PTRH1: variants seen among roughly 807,000 people sequenced by gnomAD.
The protein encoded by PTRH1 is peptidyl-tRNA hydrolase.
PTRH1 carries 13 observed loss-of-function variants against 15.7 expected under a neutral mutation model. That is an observed-to-expected ratio of 0.83 (90% CI 0.54 to 1.31). PTRH1 has a LOEUF of 1.31. PTRH1 is among the 40% of genes most tolerant of loss of function. PTRH1 has a pLI of 0.00. For synonymous variants in PTRH1, 139 were observed against 136.7 expected (o/e 1.02, Z -0.12); for missense variants, 319 against 296.2 (o/e 1.08, Z -0.56).
Position 127,715,069 on chromosome 9 carries a change from G to C in PTRH1, c.222C>G (p.Ala74=). Residue 74 remains alanine (A), a synonymous_variant, in exon 2 of 5, where the codon GCC becomes GCG. Transcript: ENST00000543175. The surrounding 1 kb of genome is among the most constrained non-coding windows in gnomAD (Gnocchi z 5.8). ...CCCCCAGCGGGGCCAGGGCGAGGTC[G>C]GCGGCACAGTGCCGGTCGCGCGTCC... ...ESWTRDRHCA[A]DLALAPLGDA... 6.5e-7 allele frequency: 1 copy of C among 1,528,768 alleles called. No individual in the cohort carries two copies. The highest frequency in any genetic ancestry group is 1.2e-5 in the South Asian group (1 of 83,416). The allele number at this position is 1,528,768 out of a possible 1,614,324, so 94.7% of individuals were successfully genotyped here.
At chr9:127,710,515 G>A (rs1271661207), downstream of PTRH1, 20 of 1,484,536 alleles carry the variant, frequency 1.3e-5, no homozygotes, top group Non-Finnish European at 1.8e-5. Context: ...GAAGGGACAG[G>A]GACCTAAGGG....
Position 127,703,252 on chromosome 9 carries a change from A to C in PTRH1, c.206-8111T>G, listed in dbSNP as rs545156696. On this transcript the variant is annotated intron_variant, in intron 1 of 2. Transcript: ENST00000335223. The stretch of plus-strand genomic sequence containing the variant: ...GATCACCTGAGGTCAGGAGTTCGAG[A>C]CCAGCCAACATGGTGAAACCTCATC... Among the ~76,000 whole-genome samples the C allele has an allele frequency of 9.4e-3, 1,432 of 151,608 alleles. 15 individuals are homozygous for C. Among genetic ancestry groups the C allele is most frequent in the Non-Finnish European group, 0.012 (799 of 67,858 alleles).
chr9:127,700,597 G>C lies in PTRH1; in HGVS notation c.206-5456C>G, dbSNP rs528624897. Among the ~76,000 whole-genome samples, 14 of 152,276 alleles carry C rather than the reference G, an allele frequency of 9.2e-5. 1 individual carries two copies. The highest frequency in any genetic ancestry group is 3.4e-3 in the Middle Eastern group (1 of 294). On this transcript the variant is annotated intron_variant, in intron 1 of 2. Coordinates refer to the PTRH1 transcript ENST00000335223. ...ACCGACCAGCATTCATGTTAAAATA[G>C]AGAACATAAGACTGGCAGAGCAGAC... is the stretch of plus-strand genomic sequence containing the variant.
At chr9:127,695,315 AAAG>A (rs1485738610) in intron 1 of PTRH1, 1 of 584,394 alleles carries the variant, frequency 1.7e-6, no homozygotes, top group African/African-American at 1.9e-5. Context: ...CAATGAGTGA[AAAG>A]AGCACATTAT....
downstream of PTRH1, among the ~76,000 whole-genome samples, chr9:127,710,960 G>A (rs1038282524): frequency 3.9e-5 from 6 of 152,174 alleles, no homozygotes; most frequent in African/African-American, 1.4e-4. Context: ...CAGTCCTCAC[G>A]CTGGCATTGG....
chr9:127,702,373 CAAA>C (rs11347672), intron 1 of PTRH1, among the ~76,000 whole-genome samples: 10 of 79,094 alleles, frequency 1.3e-4, no homozygotes, highest in East Asian at 3.7e-4. Flanking sequence ...ATTCCGTCTC[CAAA>C]AAAAAAAAAA....
At chr9:127,708,866 G>A (rs1274633543), downstream of PTRH1, among the ~76,000 whole-genome samples, 1 of 152,234 alleles carries the variant, frequency 6.6e-6, no homozygotes, top group Non-Finnish European at 1.5e-5. Context: ...GAGATGCCAG[G>A]TACAAAGACT....
Position 127,707,205 on chromosome 9 carries a change from G to C in PTRH1, c.205+8230C>G, listed in dbSNP as rs532700470. ...ACCGGCTAGCCCGGTGCGTGGGCTG[G>C]CGGGCAGGAGTCTGGTGCCCTGGGT... On this transcript the variant is annotated intron_variant, in intron 1 of 2. Transcript: ENST00000335223. 128 of 1,606,956 alleles carry C rather than the reference G, an allele frequency of 8.0e-5. 1 individual carries two copies. In the South Asian group the frequency reaches 1.3e-3, roughly 16 times the overall value.
intron 3 of PTRH1, 50 bp downstream of exon 3, chr9:127,714,553 A>G (rs1564369543): frequency 2.5e-6 from 4 of 1,596,014 alleles, no homozygotes; most frequent in Non-Finnish European, 3.4e-6. Context: ...CTCCACCCCA[A>G]CTGGGAGGCC....
chr9:127,707,234 A>G, intron 1 of PTRH1: 2 of 1,595,556 alleles, frequency 1.3e-6, no homozygotes, highest in African/African-American at 1.3e-5. Context: ...CCTGGGTCAG[A>G]AGCCCATGCC....
chr9:127,713,139 C>A (rs1842807245), downstream of PTRH1: 1 of 1,610,014 alleles, frequency 6.2e-7, no homozygotes, highest in East Asian at 2.2e-5. Context: ...CCACCCAACC[C>A]CCAGGACCTC....
chr9:127,715,200 G>A lies in PTRH1; in HGVS notation c.97-6C>T. 6.6e-7 allele frequency: 1 copy of A among 1,525,808 alleles called. No individual in the cohort carries two copies. The highest frequency in any genetic ancestry group is 8.8e-7 in the Non-Finnish European group (1 of 1,140,190). The allele number at this position is 1,525,808 out of a possible 1,614,324, so 94.5% of individuals were successfully genotyped here. Reference sequence around the variant, plus strand: ...GGATTCCCCAGGCCAGCCACCTGCGGGCGGCACCAGGGAAACTGAGGCCCA... The same window carrying A: ...GGATTCCCCAGGCCAGCCACCTGCGAGCGGCACCAGGGAAACTGAGGCCCA... On this transcript the variant is annotated splice_region_variant and splice_polypyrimidine_tract_variant and intron_variant, in intron 1 of 4. Transcript: ENST00000543175. This position sits in a 1 kb window ranked among gnomAD's most constrained non-coding sequence, Gnocchi z 5.8.
chr9:127,714,941 G>GGCCCCCCCC, intron 2 of PTRH1, 34 bp downstream of exon 2: 6 of 446,380 alleles, frequency 1.3e-5, no homozygotes, highest in East Asian at 4.7e-5. Context: ...CACCCCCTTG[G>GGCCCCCCCC]CCCGCCCGCC....
intron 1 of PTRH1, among the ~76,000 whole-genome samples, chr9:127,697,958 T>C (rs1477012379): frequency 6.6e-6 from 1 of 152,126 alleles, no homozygotes; most frequent in Non-Finnish European, 1.5e-5. Flanking sequence ...CTTCAAAATT[T>C]AAAGCTACAA....
downstream of PTRH1, among the ~76,000 whole-genome samples, chr9:127,710,282 CA>C (rs60165824): frequency 6.7e-3 from 554 of 82,590 alleles, 1 homozygote; most frequent in African/African-American, 0.02. Flanking sequence ...GACCCTGTCT[CA>C]AAAAAAAAAA....
In PTRH1 at chr9:127,707,139, G is replaced by A. The variant is rs763669646; in HGVS notation, c.205+8296C>T. 8 of 1,613,680 alleles carry A rather than the reference G, an allele frequency of 5.0e-6. No homozygotes were observed. In the Admixed American group the frequency reaches 8.3e-5, roughly 17 times the overall value. On this transcript the variant is annotated intron_variant, in intron 1 of 2. Coordinates refer to the PTRH1 transcript ENST00000335223. The stretch of plus-strand genomic sequence containing the variant: ...CCGTGGAGCCGCCTCTGGCCAAGGA[G>A]ATGAAGGAGTTCTACCACATCCAGA...
intron 1 of PTRH1, among the ~76,000 whole-genome samples, chr9:127,696,349 T>C (rs1842559940): frequency 6.6e-6 from 1 of 152,174 alleles, no homozygotes. Context: ...AAATAATATA[T>C]GGCACTTATT....
intron 1 of PTRH1, among the ~76,000 whole-genome samples, chr9:127,702,436 G>A (rs909725506): frequency 6.6e-6 from 1 of 151,912 alleles, no homozygotes; most frequent in African/African-American, 2.4e-5. Flanking sequence ...CTGGGTGGAG[G>A]TGGGAGTGGG....
intron 1 of PTRH1, chr9:127,696,122 G>C (rs1311149985): frequency 6.6e-6 from 1 of 152,218 alleles, no homozygotes; most frequent in Non-Finnish European, 1.5e-5. Flanking sequence ...TGGATCACTT[G>C]AGCCCAGGAG....
Sources: gnomAD v4.1 joint callset for allele counts (sites outside exome capture counted in the v4.1 genomes callset) on GRCh38, gnomAD v4.1.1 for gene constraint, Gnocchi (gnomAD v3.1) non-coding constraint, MANE v1.5 for transcripts, NCBI Gene and HGNC (gene_info 2026-07-23, HGNC 2026-07-21) for gene names.